SLX4: variants seen among roughly 807,000 people sequenced by gnomAD.
SLX4 encodes structure-specific endonuclease subunit SLX4.
A neutral mutation model predicts 146.2 loss-of-function variants in SLX4; 112 were observed. That is an observed-to-expected ratio of 0.77 (90% CI 0.66 to 0.90). The LOEUF is 0.90. Ranked by LOEUF, SLX4 falls within the 40% of genes least tolerant of loss-of-function variation. SLX4 has a pLI of 0.00. For synonymous variants in SLX4, 1,061 were observed against 997.7 expected (o/e 1.06, Z -1.20); for missense variants, 2,563 against 2,392.7 (o/e 1.07, Z -1.49).
chr16:3,601,548 A>G lies in SLX4; in HGVS notation c.951-357T>C, dbSNP rs1423296291. 3 of 364,420 alleles carry G rather than the reference A, an allele frequency of 8.2e-6. No homozygotes were observed. In the Admixed American group the frequency reaches 1.2e-4, roughly 15 times the overall value. The allele number at this position is 364,420 out of a possible 1,614,324, so 22.6% of individuals were successfully genotyped here. On this transcript the variant is annotated intron_variant, in intron 4 of 14. Coordinates refer to ENST00000294008, the MANE Select transcript of SLX4 (RefSeq NM_032444.4). ...AATCCCAAAGGGTAGAAATGCTCCA[A>G]ATGTCCGCCAATGGACGAAAGGATA... is the stretch of plus-strand genomic sequence containing the variant.
chr16:3,586,241 G>T (rs779625843), intron 12 of SLX4, among the ~76,000 whole-genome samples: 2 of 152,042 alleles, frequency 1.3e-5, no homozygotes, highest in Non-Finnish European at 1.5e-5. Context: ...AAAACAACCC[G>T]TGTGTCCACT....
rs113023461 is a variant in SLX4 at position 3,609,010 on chromosome 16, C to T, written c.-46G>A. On this transcript the variant is annotated 5_prime_UTR_variant, in exon 2 of 15. In the 5' UTR this introduces an upstream ATG that the reference lacks. Coordinates refer to ENST00000294008, the MANE Select transcript of SLX4 (RefSeq NM_032444.4). ...CCATTAGATACTTGGAGAGTTTGCA[C>T]AATTGAACAAAAAGTACTGTTTTCC... The T allele has an allele frequency of 3.5e-5, 55 of 1,593,288 alleles. No individual in the cohort carries two copies. The highest frequency in any genetic ancestry group is 2.3e-4 in the African/African-American group (17 of 74,704).
At chr16:3,585,055 G>A (rs1040871901) in intron 12 of SLX4, among the ~76,000 whole-genome samples, 184 bp from the exon 13 acceptor site, 9 of 152,220 alleles carry the variant, frequency 5.9e-5, no homozygotes, top group East Asian at 3.9e-4. Context: ...TGATAGCATC[G>A]GTGACACGCA....
intron 3 of SLX4, among the ~76,000 whole-genome samples, chr16:3,605,819 A>C (rs1044107965): frequency 2.6e-5 from 4 of 151,276 alleles, no homozygotes; most frequent in African/African-American, 9.7e-5. Flanking sequence ...TGGTGGTGGG[A>C]GCCTGTAGTC....
intron 10 of SLX4, among the ~76,000 whole-genome samples, chr16:3,593,233 G>A (rs961339269): frequency 3.3e-5 from 5 of 152,032 alleles, no homozygotes; most frequent in Non-Finnish European, 5.9e-5. Flanking sequence ...CACCATGCCC[G>A]GCTAATTTTT....
At chr16:3,600,226 C>T (rs530947574) in intron 5 of SLX4, among the ~76,000 whole-genome samples, 10 of 152,300 alleles carry the variant, frequency 6.6e-5, no homozygotes, top group African/African-American at 2.4e-4. Flanking sequence ...AGTCTAATGC[C>T]ACCACTGATC....
At chr16:3,582,789 C>G in intron 14 of SLX4, 96 bp from the exon 15 acceptor site, 2 of 1,187,536 alleles carry the variant, frequency 1.7e-6, no homozygotes, top group Non-Finnish European at 2.4e-6. Flanking sequence ...CTACGGGTCC[C>G]ATGGAGCCTG....
chr16:3,601,101 C>G lies in SLX4; in HGVS notation c.1041G>C (p.Lys347Asn), dbSNP rs1157115699. The change falls in exon 5 of 15, where the codon AAG becomes AAC. Residue 347 changes from lysine (K) to asparagine (N), a missense_variant. Coordinates refer to ENST00000294008, the MANE Select transcript of SLX4 (RefSeq NM_032444.4). ...PICGKPFLTL[K>N]SRTSHLKQCA... ...ACTGCTTCAAGTGACTGGTTCTGCT[C>G]TTTAAGGTAAGAAACGGTTTCCCAC... is the stretch of plus-strand genomic sequence containing the variant. The G allele has an allele frequency of 1.2e-6, 2 of 1,614,038 alleles. No homozygotes were observed. Among genetic ancestry groups the G allele is most frequent in the East Asian group, 2.2e-5 (1 of 44,890 alleles).
chr16:3,588,498 G>C (rs1007199307), intron 12 of SLX4, among the ~76,000 whole-genome samples: 15 of 152,208 alleles, frequency 9.9e-5, no homozygotes, highest in African/African-American at 3.6e-4. Flanking sequence ...ACGGGCATTT[G>C]GGTTGCTTCC....
At position 3,590,192 on chromosome 16, in the gene SLX4, T is replaced by A. The variant is rs2040566610; in HGVS notation, c.3446A>T (p.Asp1149Val). 6.2e-7 allele frequency: 1 copy of A among 1,614,090 alleles called. No individual in the cohort carries two copies. The highest frequency in any genetic ancestry group is 1.7e-5 in the Admixed American group (1 of 60,010). ...QKSSSKLNEEDEVILLLDSDE... is the reference protein window; with the variant it reads ...QKSSSKLNEEVEVILLLDSDE... ...CGAGTCCAGTAAGAGGATGACCTCA[T>A]CTTCTTCGTTCAGTTTGGATGAAGA... The change falls in exon 12 of 15, where the codon GAT (aspartate) becomes GTT (valine). Residue 1149 changes from aspartate to valine, a missense_variant. Transcript: ENST00000294008. This position sits in a 1 kb window ranked among gnomAD's most constrained non-coding sequence, Gnocchi z 4.8.
In SLX4 at chr16:3,595,621, C is replaced by A. The variant is rs781343650; in HGVS notation, c.1997G>T (p.Arg666Met). Reference protein sequence around the residue: ...VVPSQDKHPDRGGRTLLSLGL... With the variant: ...VVPSQDKHPDMGGRTLLSLGL... The stretch of plus-strand genomic sequence containing the variant: ...AGTTCTTACCAAGGTGCGGCCGCCC[C>A]TGTCCGGGTGCTTGTCCTGCGATGG... Residue 666 changes from arginine (R) to methionine (M), a missense_variant, in exon 9 of 15, where the codon AGG becomes ATG. Arg to Met is a moderately conservative substitution (Grantham distance 91). Coordinates refer to ENST00000294008, the MANE Select transcript of SLX4 (RefSeq NM_032444.4). 6.2e-7 allele frequency: 1 copy of A among 1,613,984 alleles called. No homozygotes were observed. Among genetic ancestry groups the A allele is most frequent in the South Asian group, 1.1e-5 (1 of 91,082 alleles).
At chr16:3,594,033 G>T (rs1309083275) in intron 10 of SLX4, among the ~76,000 whole-genome samples, 1 of 151,998 alleles carries the variant, frequency 6.6e-6, no homozygotes, top group African/African-American at 2.4e-5. Context: ...CACCATGCCC[G>T]GCTAATTTTT....
chr16:3,584,227 C>A lies in SLX4; in HGVS notation c.4739+542G>T, dbSNP rs554244846. Among the ~76,000 whole-genome samples the A allele has an allele frequency of 3.9e-5, 6 of 152,282 alleles. No individual in the cohort carries two copies. The South Asian group carries it at 8.3e-4, about 21-fold the overall frequency. On this transcript the variant is annotated intron_variant, in intron 13 of 14. Coordinates refer to ENST00000294008, the MANE Select transcript of SLX4 (RefSeq NM_032444.4). ...CACGTGGTCAGGAGTTCGAGACCAGCCTGGCCAACATGGTGAAACCCCGTC... is the reference window on the plus strand; with the variant it reads ...CACGTGGTCAGGAGTTCGAGACCAGACTGGCCAACATGGTGAAACCCCGTC...
chr16:3,587,156 G>A (rs78188446), intron 12 of SLX4, among the ~76,000 whole-genome samples: 2,199 of 152,210 alleles, frequency 0.014, 62 homozygotes, highest in African/African-American at 0.05. Context: ...ATTTTAAAAG[G>A]GTGGATATTA....
In SLX4 at chr16:3,606,451, A is replaced by G. The variant is rs369234261; in HGVS notation, c.760+23T>C. On this transcript the variant is annotated intron_variant, in intron 3 of 14. Transcript: ENST00000294008. ...TTGTATTAACTTATCTCTGTGTGGAAGACAGAAACACACTCATCATACCAT... is the reference window on the plus strand; with the variant it reads ...TTGTATTAACTTATCTCTGTGTGGAGGACAGAAACACACTCATCATACCAT... 2.1e-4 allele frequency: 343 copies of G among 1,611,920 alleles called. 1 individual carries two copies. The highest frequency in any genetic ancestry group is 2.7e-4 in the Non-Finnish European group (319 of 1,178,132).
rs924945069 is a variant in SLX4, at chr16:3,601,063, A to G, written c.1079T>C (p.Met360Thr). ...AAGCAGGAGCTGGGGGCCAACCTCCATCTTCACAGCACACTGCTTCAAGTG... is the reference window on the plus strand; with the variant it reads ...AAGCAGGAGCTGGGGGCCAACCTCCGTCTTCACAGCACACTGCTTCAAGTG... ...TSHLKQCAVK[M>T]EVGPQLLLQA... Residue 360 changes from methionine to threonine, a missense_variant, in exon 5 of 15, where the codon ATG (methionine) becomes ACG (threonine). Met to Thr is a moderately conservative substitution (Grantham distance 81, BLOSUM62 -1). Coordinates refer to ENST00000294008, the MANE Select transcript of SLX4 (RefSeq NM_032444.4). The G allele has an allele frequency of 6.2e-7, 1 of 1,614,096 alleles. No homozygotes were observed. The highest frequency in any genetic ancestry group is 2.2e-5 in the East Asian group (1 of 44,880).
intron 2 of SLX4, among the ~76,000 whole-genome samples, chr16:3,607,724 A>C (rs2040802695): frequency 6.6e-6 from 1 of 152,136 alleles, no homozygotes; most frequent in Admixed American, 6.6e-5. Context: ...ACAATAACAA[A>C]GGAAAAGATT....
rs2151122738 is a variant in SLX4, at chr16:3,589,829, G to A, written c.3809C>T (p.Ser1270Phe). 1 of 1,613,436 alleles carries A rather than the reference G, an allele frequency of 6.2e-7. No individual in the cohort carries two copies. Among genetic ancestry groups the A allele is most frequent in the Non-Finnish European group, 8.5e-7 (1 of 1,180,036 alleles). ...TPLASRSRDC[S>F]SQTQISSLRS... The stretch of plus-strand genomic sequence containing the variant: ...GAGGCTGCTGATTTGGGTCTGGGAA[G>A]AACAGTCACGGCTTCTGCTGGCCAG... Residue 1270 changes from serine to phenylalanine, a missense_variant, in exon 12 of 15, where the codon TCT becomes TTT. Coordinates refer to ENST00000294008, the MANE Select transcript of SLX4 (RefSeq NM_032444.4). This position sits in a 1 kb window ranked among gnomAD's most constrained non-coding sequence, Gnocchi z 6.2.
chr16:3,600,121 T>G (rs571558639), intron 5 of SLX4, among the ~76,000 whole-genome samples: 21 of 152,208 alleles, frequency 1.4e-4, no homozygotes, highest in Admixed American at 2.0e-4. Context: ...CATCAAAGCA[T>G]TCCACCTCAG....
Sources: allele counts gnomAD v4.1 joint callset (sites outside exome capture counted in the v4.1 genomes callset), GRCh38; gene constraint gnomAD v4.1.1; non-coding constraint Gnocchi (gnomAD v3.1); transcripts MANE v1.5; gene names NCBI Gene and HGNC (gene_info 2026-07-23, HGNC 2026-07-21).